CYFIP2: variants seen among roughly 807,000 people sequenced by gnomAD.
CYFIP2 encodes the protein cytoplasmic FMR1 interacting protein 2, also known as cytoplasmic FMR1-interacting protein 2.
Under a neutral mutation model 158.7 loss-of-function variants are expected in CYFIP2, and 29 were observed. That is an observed-to-expected ratio of 0.18 (90% CI 0.14 to 0.25). The LOEUF (loss-of-function observed/expected upper bound fraction) is 0.25. Among genes scored for constraint, CYFIP2 ranks in the 10% least tolerant of loss-of-function variants. The pLI, the probability that CYFIP2 is intolerant of heterozygous loss-of-function variation, is 1.00. For missense variants in CYFIP2, 852 were observed against 1,639.5 expected, an observed-to-expected ratio of 0.52 and a Z score of 8.29; for synonymous variants, 585 against 617.6, an observed-to-expected ratio of 0.95 and a Z score of 0.78.
At position 157,333,518 on chromosome 5, in the gene CYFIP2, GT is replaced by G; in HGVS notation, c.2385+74del. On this transcript the variant is annotated intron_variant, in intron 21 of 30. Coordinates refer to ENST00000620254, the MANE Select transcript of CYFIP2 (RefSeq NM_001037333.3). ...ACTAGAAGCCTAGATGGGGACTGTAGTTAGTCTAGTGCTGGGCCAGTTAAAG... is the reference window on the plus strand; with the variant it reads ...ACTAGAAGCCTAGATGGGGACTGTAGTAGTCTAGTGCTGGGCCAGTTAAAG... 6 of 1,605,346 alleles carry G rather than the reference GT, an allele frequency of 3.7e-6. No individual in the cohort carries two copies. In the Admixed American group the frequency reaches 1.0e-4, roughly 27 times the overall value.
In CYFIP2 at chr5:157,394,159, T is replaced by C. The variant is rs939155290; in HGVS notation, c.*1159T>C. ...TCTTTACATTCCTTAAGTTAGACTT[T>C]CGGGTGTGGCTTCTCTCCCAGGGGT... On this transcript the variant is annotated 3_prime_UTR_variant, in exon 31 of 31. Transcript: ENST00000620254. The C allele has an allele frequency of 1.3e-5, 2 of 152,184 alleles. No individual in the cohort carries two copies. Among genetic ancestry groups the C allele is most frequent in the African/African-American group, 4.8e-5 (2 of 41,450 alleles). The allele number at this position is 152,184 out of a possible 1,614,324, so 9.4% of individuals were successfully genotyped here. A position where few individuals can be genotyped will look rare whatever the true frequency, so the allele number is the denominator to read the frequency against.
rs764088782 is a variant in CYFIP2, at chr5:157,341,036, T to C, written c.2586-34T>C. On this transcript the variant is annotated intron_variant, in intron 22 of 30. Coordinates refer to ENST00000620254, the MANE Select transcript of CYFIP2 (RefSeq NM_001037333.3). ...CCCATGGAGAATAATATTAGGACCA[T>C]ATTAACTCTTTCCCATCCCTATGCT... The C allele has an allele frequency of 5.0e-6, 8 of 1,588,618 alleles. No individual in the cohort carries two copies. In the South Asian group the frequency reaches 6.6e-5, roughly 13 times the overall value.
At chr5:157,277,215 G>A (rs1400576365) in intron 1 of CYFIP2, 1 of 152,038 alleles carries the variant, frequency 6.6e-6, no homozygotes, top group Non-Finnish European at 1.5e-5. Flanking sequence ...ATTTTTATTA[G>A]GGATGAGGTT....
intron 29 of CYFIP2, 148 bp downstream of exon 29, chr5:157,389,575 C>T: frequency 1.4e-6 from 1 of 691,876 alleles, no homozygotes; most frequent in Admixed American, 3.0e-5. Flanking sequence ...GAGCTGACTG[C>T]ATTGGCAAGA....
At chr5:157,307,657 ATGTG>A (rs1174192715) in intron 8 of CYFIP2, 100 bp from the exon 9 acceptor site, 14 of 266,332 alleles carry the variant, frequency 5.3e-5, no homozygotes, top group Middle Eastern at 7.1e-4. Context: ...GTGTGTGTGT[ATGTG>A]TGTGTGTGTG....
chr5:157,297,292 G>A (rs915857163), intron 5 of CYFIP2, among the ~76,000 whole-genome samples: 2 of 152,244 alleles, frequency 1.3e-5, no homozygotes, highest in African/African-American at 2.4e-5. Flanking sequence ...GAAATGGGAA[G>A]GTGGGGTGTG....
chr5:157,285,547 A>G, intron 2 of CYFIP2, 69 bp downstream of exon 2: 1 of 1,383,694 alleles, frequency 7.2e-7, no homozygotes, highest in Non-Finnish European at 9.9e-7. Flanking sequence ...AGTTTGCCCT[A>G]AGGCAGAGGG....
At chr5:157,279,545 G>C (rs1756828357) in intron 1 of CYFIP2, among the ~76,000 whole-genome samples, 1 of 152,014 alleles carries the variant, frequency 6.6e-6, no homozygotes, top group Non-Finnish European at 1.5e-5. Context: ...AGTCATGTCT[G>C]CCTGGGGGGG....
chr5:157,298,765 T>C (rs992378607), intron 5 of CYFIP2, among the ~76,000 whole-genome samples: 2 of 152,246 alleles, frequency 1.3e-5, no homozygotes, highest in African/African-American at 2.4e-5. Context: ...AGCTACTTTA[T>C]GCTGCCATGG....
chr5:157,284,900 A>G (rs1757255677), intron 1 of CYFIP2, among the ~76,000 whole-genome samples: 1 of 152,210 alleles, frequency 6.6e-6, no homozygotes, highest in African/African-American at 2.4e-5. Context: ...GGATAATTGT[A>G]TTGCATGGTA....
At chr5:157,280,363 A>ATTTTTTTTTTTTTTTTTTTTTTTTT (rs57893061) in intron 1 of CYFIP2, among the ~76,000 whole-genome samples, 1 of 133,228 alleles carries the variant, frequency 7.5e-6, no homozygotes, top group Non-Finnish European at 1.6e-5. Flanking sequence ...CGCCTGGCTA[A>ATTTTTTTTTTTTTTTTTTTTTTTTT]TTTTTTTTTT....
chr5:157,303,122 T>C, intron 7 of CYFIP2: 4 of 462,694 alleles, frequency 8.6e-6, no homozygotes, highest in Non-Finnish European at 1.6e-5. Flanking sequence ...CAGCCAGTGC[T>C]CTGACCCTGC....
Position 157,266,872 on chromosome 5 carries a change from A to C in CYFIP2, c.-24+677A>C, listed in dbSNP as rs1245295271. ...GGATGAGTGGGCTGACTCCTGGGGGAAAAGGTGGTTTTTTTCTTGAGCTCT... is the reference window on the plus strand; with the variant it reads ...GGATGAGTGGGCTGACTCCTGGGGGCAAAGGTGGTTTTTTTCTTGAGCTCT... On this transcript the variant is annotated intron_variant, in intron 1 of 30. Transcript: ENST00000620254. This position sits in a 1 kb window ranked among gnomAD's most constrained non-coding sequence, Gnocchi z 4.2. 2.6e-5 allele frequency: 4 copies of C among 152,532 alleles called. No individual in the cohort carries two copies. Among genetic ancestry groups the C allele is most frequent in the African/African-American group, 9.7e-5 (4 of 41,370 alleles). The allele number at this position is 152,532 out of a possible 1,614,324, so 9.4% of individuals were successfully genotyped here.
At chr5:157,267,206 A>G (rs1276316202) in intron 1 of CYFIP2, among the ~76,000 whole-genome samples, 1 of 152,200 alleles carries the variant, frequency 6.6e-6, no homozygotes, top group African/African-American at 2.4e-5. Context: ...CTGTCCTTCC[A>G]GCTAGGCCAA....
intron 25 of CYFIP2, among the ~76,000 whole-genome samples, 184 bp downstream of exon 25, chr5:157,360,556 G>A (rs1475599961): frequency 6.6e-6 from 1 of 152,246 alleles, no homozygotes; most frequent in East Asian, 1.9e-4. Context: ...TCTTGTCAGT[G>A]TAGGGAGATG....
At position 157,294,867 on chromosome 5, in the gene CYFIP2, C is replaced by G; in HGVS notation, c.285+7C>G. ...TTCCCGGGCCATTCCCCAGGTGAGACTGTCCTTGTTGTGTGTCTCTTTCCC... is the reference window on the plus strand; with the variant it reads ...TTCCCGGGCCATTCCCCAGGTGAGAGTGTCCTTGTTGTGTGTCTCTTTCCC... On this transcript the variant is annotated splice_region_variant and intron_variant, in intron 4 of 30. Coordinates refer to ENST00000620254, the MANE Select transcript of CYFIP2 (RefSeq NM_001037333.3). 1.2e-6 allele frequency: 2 copies of G among 1,612,124 alleles called. No individual in the cohort carries two copies. Among genetic ancestry groups the G allele is most frequent in the African/African-American group, 2.7e-5 (2 of 75,028 alleles).
At position 157,285,485 on chromosome 5, in the gene CYFIP2, G is replaced by A. The variant is rs1757300377; in HGVS notation, c.117+7G>A. ...TTCCTCCATCATGTACCAGGTAATG[G>A]AAATGGTAGATAGCACCAGGGGGCC... On this transcript the variant is annotated splice_region_variant and intron_variant, in intron 2 of 30. Coordinates refer to ENST00000620254, the MANE Select transcript of CYFIP2 (RefSeq NM_001037333.3). 1.3e-6 allele frequency: 2 copies of A among 1,559,488 alleles called. No homozygotes were observed. Among genetic ancestry groups the A allele is most frequent in the African/African-American group, 1.4e-5 (1 of 73,504 alleles).
Position 157,320,646 on chromosome 5 carries a change from CT to C in CYFIP2, c.1524-7del. On this transcript the variant is annotated splice_region_variant and splice_polypyrimidine_tract_variant and intron_variant, in intron 14 of 30. Transcript: ENST00000620254. ...AACCTGGTCTAAGTCTTAGTTCTTC[CT>C]TCCCCAGCGTCCTACAGGCAATTCG... The C allele has an allele frequency of 6.2e-7, 1 of 1,613,924 alleles. No individual in the cohort carries two copies. The highest frequency in any genetic ancestry group is 8.5e-7 in the Non-Finnish European group (1 of 1,179,850).
intron 16 of CYFIP2, 45 bp from the exon 17 acceptor site, chr5:157,325,435 CTT>C: frequency 1.9e-6 from 3 of 1,541,014 alleles, no homozygotes; most frequent in Non-Finnish European, 2.6e-6. Context: ...GAACTAAGGT[CTT>C]TTAGTTCTAA....
Sources: allele counts gnomAD v4.1 joint callset (sites outside exome capture counted in the v4.1 genomes callset), GRCh38; gene constraint gnomAD v4.1.1; non-coding constraint Gnocchi (gnomAD v3.1); transcripts MANE v1.5; gene names NCBI Gene and HGNC (gene_info 2026-07-23, HGNC 2026-07-21).